Variants in CCBE1 observed in about 807,000 individuals in gnomAD.
CCBE1 encodes the protein collagen and calcium binding EGF domains 1.
Under a neutral mutation model 50.0 loss-of-function variants are expected in CCBE1, and 37 were observed. The ratio of observed to expected loss-of-function variants is 0.74; its 90% CI spans 0.57 to 0.97. The LOEUF (loss-of-function observed/expected upper bound fraction) is 0.97, where lower values mean the gene tolerates loss of function less well. Among genes scored for constraint, CCBE1 ranks in the 50% least tolerant of loss-of-function variants. The pLI, the probability that CCBE1 is intolerant of heterozygous loss-of-function variation, is 0.00. For synonymous variants in CCBE1, 234 were observed against 203.7 expected (o/e 1.15, Z -1.27); for missense variants, 538 against 523.8 (o/e 1.03, Z -0.26).
chr18:59,438,507 A>G (rs1310835722), intron 9 of CCBE1, among the ~76,000 whole-genome samples: 1 of 152,240 alleles, frequency 6.6e-6, no homozygotes, highest in East Asian at 1.9e-4. Context: ...CCTGCTTGCA[A>G]AAAGAATGGA....
intron 2 of CCBE1, 129 bp from the exon 3 acceptor site, chr18:59,480,367 G>C: frequency 1.6e-6 from 1 of 630,500 alleles, no homozygotes; most frequent in South Asian, 2.0e-5. Context: ...TAGGGGTGAA[G>C]TATTTTTAAG....
chr18:59,621,626 C>T (rs1189132129), intron 2 of CCBE1, among the ~76,000 whole-genome samples: 7 of 152,288 alleles, frequency 4.6e-5, no homozygotes, highest in East Asian at 1.9e-4. Context: ...ATTTTACAGG[C>T]GAGCACAAAG....
intron 2 of CCBE1, among the ~76,000 whole-genome samples, chr18:59,543,847 A>AAAAG (rs1568197028): frequency 2.5e-5 from 2 of 78,598 alleles, no homozygotes; most frequent in African/African-American, 4.6e-5. Flanking sequence ...AAAAAAAAAA[A>AAAAG]AAAAAAAAAA....
chr18:59,439,244 G>T (rs1910300991), intron 9 of CCBE1, among the ~76,000 whole-genome samples: 2 of 152,042 alleles, frequency 1.3e-5, no homozygotes, highest in South Asian at 4.1e-4. Context: ...CTGAGATCGT[G>T]CCACTGCACT....
intron 2 of CCBE1, among the ~76,000 whole-genome samples, chr18:59,523,095 T>C (rs951086784): frequency 6.6e-6 from 1 of 152,000 alleles, no homozygotes; most frequent in Non-Finnish European, 1.5e-5. Context: ...TTAGAAGCTT[T>C]TGATTGCCAA....
chr18:59,677,131 A>G (rs1480007975), intron 2 of CCBE1, among the ~76,000 whole-genome samples: 1 of 152,200 alleles, frequency 6.6e-6, no homozygotes, highest in African/African-American at 2.4e-5. Context: ...AGATTGCAAG[A>G]AGTTAAGACA....
rs1182064398 is a variant in CCBE1, at chr18:59,465,069, A to AG, written c.553+1669dup. 4 of 152,246 alleles carry AG rather than the reference A, an allele frequency of 2.6e-5. No individual in the cohort carries two copies. In the East Asian group the frequency reaches 7.7e-4, roughly 29 times the overall value. The allele number at this position is 152,246 out of a possible 1,614,324, so 9.4% of individuals were successfully genotyped here. ...CTGGTGGCTGTGTGGCACCAGCCTC[A>AG]GGCCCTCTAAGTGGCTGAGGGCTTT... On this transcript the variant is annotated intron_variant, in intron 5 of 10. Coordinates refer to ENST00000439986, the MANE Select transcript of CCBE1 (RefSeq NM_133459.4).
At chr18:59,664,702 TGA>T (rs1479262780) in intron 2 of CCBE1, among the ~76,000 whole-genome samples, 6 of 152,070 alleles carry the variant, frequency 3.9e-5, no homozygotes, top group African/African-American at 1.2e-4. Context: ...TTCAGCAACA[TGA>T]GAGTCAGAAG....
At chr18:59,508,858 T>C (rs1174199534) in intron 2 of CCBE1, among the ~76,000 whole-genome samples, 1 of 151,600 alleles carries the variant, frequency 6.6e-6, no homozygotes, top group Admixed American at 6.6e-5. Flanking sequence ...CTGGGACTAT[T>C]GGCATGTGCC....
intron 2 of CCBE1, among the ~76,000 whole-genome samples, chr18:59,590,030 T>C (rs2053239902): frequency 6.6e-6 from 1 of 152,164 alleles, no homozygotes; most frequent in Admixed American, 6.5e-5. Flanking sequence ...GATGGATATG[T>C]AATTAATCCT....
At chr18:59,444,836 C>T (rs1910601225) in intron 7 of CCBE1, among the ~76,000 whole-genome samples, 1 of 152,064 alleles carries the variant, frequency 6.6e-6, no homozygotes, top group Non-Finnish European at 1.5e-5. Context: ...TGGTTTTTGG[C>T]CATTTGTATG....
At chr18:59,598,060 T>C (rs964559431) in intron 2 of CCBE1, among the ~76,000 whole-genome samples, 1 of 151,948 alleles carries the variant, frequency 6.6e-6, no homozygotes, top group Non-Finnish European at 1.5e-5. Context: ...TTAGGAACAT[T>C]GGTGGACACA....
intron 5 of CCBE1, among the ~76,000 whole-genome samples, chr18:59,463,591 C>T (rs1911593989): frequency 6.6e-6 from 1 of 152,194 alleles, no homozygotes; most frequent in South Asian, 2.1e-4. Context: ...CTGGAAATTC[C>T]ATCCCGCTTC....
At position 59,433,890 on chromosome 18, in the gene CCBE1, CCTTTTTTTTT is replaced by C. The variant is rs1445976976; in HGVS notation, c.*2008_*2017del. 1.2e-5 allele frequency: 1 copy of C among 84,348 alleles called. No homozygotes were observed. Among genetic ancestry groups the C allele is most frequent in the Non-Finnish European group, 2.3e-5 (1 of 44,318 alleles). The allele number at this position is 84,348 out of a possible 1,614,324, so 5.2% of individuals were successfully genotyped here. A position where few individuals can be genotyped will look rare whatever the true frequency, so the allele number is the denominator to read the frequency against. ...TACAGGCATGAGCCACCAAGCCCGG[CCTTTTTTTTT>C]TTTTTTTTTTTTTTTTAATGAGACA... On this transcript the variant is annotated 3_prime_UTR_variant, in exon 11 of 11. Coordinates refer to ENST00000439986, the MANE Select transcript of CCBE1 (RefSeq NM_133459.4).
intron 2 of CCBE1, among the ~76,000 whole-genome samples, chr18:59,624,019 G>A (rs1033259110): frequency 2.6e-5 from 4 of 152,202 alleles, no homozygotes; most frequent in African/African-American, 4.8e-5. Context: ...ATGTGGGAGT[G>A]ACTGAACTTA....
intron 2 of CCBE1, among the ~76,000 whole-genome samples, chr18:59,558,935 A>G (rs1211790082): frequency 6.6e-6 from 1 of 152,210 alleles, no homozygotes; most frequent in Non-Finnish European, 1.5e-5. Context: ...TCACCTGCCT[A>G]CGGCCCCCTA....
Position 59,435,573 on chromosome 18 carries a change from T to C in CCBE1, c.*335A>G, listed in dbSNP as rs923238907. The C allele has an allele frequency of 2.3e-5, 8 of 342,682 alleles. No individual in the cohort carries two copies. In the East Asian group the frequency reaches 4.8e-4, roughly 21 times the overall value. The allele number at this position is 342,682 out of a possible 1,614,324, so 21.2% of individuals were successfully genotyped here. The stretch of plus-strand genomic sequence containing the variant: ...CTTTTGATACTCTGCCAAATTTAAC[T>C]TCAAGAATTTATGATTTAAGACACT... On this transcript the variant is annotated 3_prime_UTR_variant, in exon 11 of 11. Transcript: ENST00000439986.
chr18:59,438,032 T>C, intron 10 of CCBE1, 79 bp downstream of exon 10: 1 of 1,481,728 alleles, frequency 6.7e-7, no homozygotes, highest in Non-Finnish European at 9.4e-7. Context: ...CTTTTGCTAC[T>C]AGACCAACCT....
At chr18:59,601,830 T>C (rs894132733) in intron 2 of CCBE1, among the ~76,000 whole-genome samples, 3 of 152,174 alleles carry the variant, frequency 2.0e-5, no homozygotes, top group African/African-American at 7.2e-5. Context: ...TCTATTTAAA[T>C]CTTTGAAATT....
Sources: allele counts gnomAD v4.1 joint callset (sites outside exome capture counted in the v4.1 genomes callset), GRCh38; gene constraint gnomAD v4.1.1; transcripts MANE v1.5; gene names NCBI Gene and HGNC (gene_info 2026-07-23, HGNC 2026-07-21).